Variants in XIRP2 observed in about 807,000 individuals in gnomAD.
The protein encoded by XIRP2 is xin actin-binding repeat-containing protein 2.
In XIRP2, 236 loss-of-function variants were observed where a neutral mutation model predicts 277.0. The observed-to-expected ratio is 0.85, with a 90% confidence interval of 0.77 to 0.95. The LOEUF is 0.95. XIRP2 is among the 40% of genes least tolerant of loss of function. The pLI, the probability that XIRP2 is intolerant of heterozygous loss-of-function variation, is 0.00. For synonymous variants in XIRP2, 1,490 were observed against 1,416.5 expected (o/e 1.05, Z -1.17); for missense variants, 4,640 against 4,157.5 (o/e 1.12, Z -3.19).
At chr2:166,968,998 T>C (rs982095159) in intron 2 of XIRP2, among the ~76,000 whole-genome samples, 1 of 151,946 alleles carries the variant, frequency 6.6e-6, no homozygotes, top group Non-Finnish European at 1.5e-5. Context: ...AGGCCAATGT[T>C]TGTGTCAAGA....
At chr2:167,036,320 G>A (rs1178423587) in intron 2 of XIRP2, among the ~76,000 whole-genome samples, 1 of 152,068 alleles carries the variant, frequency 6.6e-6, no homozygotes, top group African/African-American at 2.4e-5. Context: ...CCAGGAGGGA[G>A]GCTGTACCCT....
intron 1 of XIRP2, among the ~76,000 whole-genome samples, chr2:166,899,614 A>G (rs1684326728): frequency 6.6e-6 from 1 of 152,052 alleles, no homozygotes; most frequent in Admixed American, 6.6e-5. Context: ...TTTCTTCGTT[A>G]TTGAAAGATC....
chr2:167,179,882 A>G (rs111978608), intron 3 of XIRP2, among the ~76,000 whole-genome samples: 1 of 152,242 alleles, frequency 6.6e-6, no homozygotes, highest in African/African-American at 2.4e-5. Context: ...TCCTGGGCTC[A>G]GGTCATCCTT....
chr2:167,162,445 A>G (rs1352170026), intron 3 of XIRP2, among the ~76,000 whole-genome samples: 1 of 152,152 alleles, frequency 6.6e-6, no homozygotes, highest in African/African-American at 2.4e-5. Context: ...GAAGACACAT[A>G]TCACACTGTG....
At chr2:167,009,229 A>G (rs1399777105) in intron 2 of XIRP2, among the ~76,000 whole-genome samples, 5 of 101,602 alleles carry the variant, frequency 4.9e-5, no homozygotes, top group African/African-American at 7.7e-5. Context: ...CCACCCCACA[A>G]CAGTCCCCAG....
At chr2:167,029,201 C>T (rs1196645615) in intron 2 of XIRP2, among the ~76,000 whole-genome samples, 1 of 151,970 alleles carries the variant, frequency 6.6e-6, no homozygotes, top group African/African-American at 2.4e-5. Flanking sequence ...TGCTTTATTT[C>T]TTTCTGTTGC....
In XIRP2 at chr2:167,247,021, GA is replaced by G; in HGVS notation, c.5631del (p.Glu1877AspfsTer37). Reference protein sequence around the residue: ...NMLATLKSLKESSHRWKESKQ... With the variant: ...NMLATLKSLKXSSHRWKESKQ... ...GCTAGCCACACTCAAGTCACTTAAA[GA>G]ATCAAGCCATCGATGGAAAGAATCT... On this transcript the variant is annotated frameshift_variant, in exon 9 of 11. Transcript: ENST00000409195. LOFTEE classifies it high-confidence loss of function. 6.2e-7 allele frequency: 1 copy of G among 1,613,536 alleles called. No homozygotes were observed. The highest frequency in any genetic ancestry group is 8.5e-7 in the Non-Finnish European group (1 of 1,179,734).
At chr2:167,079,128 T>C (rs1054162973) in intron 2 of XIRP2, among the ~76,000 whole-genome samples, 2 of 152,252 alleles carry the variant, frequency 1.3e-5, no homozygotes, top group Non-Finnish European at 2.9e-5. Flanking sequence ...GTACAGTTTT[T>C]GTTTCTAATT....
At chr2:167,089,579 T>G (rs1484955263) in intron 2 of XIRP2, among the ~76,000 whole-genome samples, 2 of 152,176 alleles carry the variant, frequency 1.3e-5, no homozygotes, top group Non-Finnish European at 2.9e-5. Flanking sequence ...AGCAAGGATG[T>G]TCTTAATGCA....
intron 2 of XIRP2, among the ~76,000 whole-genome samples, chr2:167,050,868 A>G (rs1688896749): frequency 6.6e-6 from 1 of 151,954 alleles, no homozygotes; most frequent in Non-Finnish European, 1.5e-5. Context: ...GGAGAAGCTC[A>G]ATGAAGATGC....
intron 2 of XIRP2, among the ~76,000 whole-genome samples, chr2:166,938,757 T>C (rs1027825215): frequency 7.2e-5 from 11 of 152,222 alleles, no homozygotes; most frequent in Non-Finnish European, 1.6e-4. Context: ...TCTAAGGAAT[T>C]GCTTTATGAA....
chr2:167,014,013 T>A (rs1265207668), intron 2 of XIRP2, among the ~76,000 whole-genome samples: 1 of 118,074 alleles, frequency 8.5e-6, no homozygotes, highest in Non-Finnish European at 1.7e-5. Flanking sequence ...TAGCATTTGA[T>A]CACTATCATA....
intron 2 of XIRP2, among the ~76,000 whole-genome samples, chr2:167,119,778 A>G (rs1019215054): frequency 3.3e-5 from 5 of 152,206 alleles, no homozygotes; most frequent in Admixed American, 6.5e-5. Flanking sequence ...GTACATGCTA[A>G]AGTTCAGCAG....
At chr2:167,204,719 A>AT (rs915984796) in intron 3 of XIRP2, among the ~76,000 whole-genome samples, 6 of 152,112 alleles carry the variant, frequency 3.9e-5, no homozygotes, top group Admixed American at 1.3e-4. Flanking sequence ...CAATATTAAC[A>AT]TTTTTTTCTG....
chr2:166,915,093 C>T (rs1022221042), intron 2 of XIRP2, among the ~76,000 whole-genome samples: 1 of 151,298 alleles, frequency 6.6e-6, no homozygotes, highest in Admixed American at 6.6e-5. Flanking sequence ...GTCAGGAGAT[C>T]GAGACCATCC....
rs551559712 is a variant in XIRP2 at position 167,243,740 on chromosome 2, A to G, written c.2348A>G (p.Asn783Ser). The G allele has an allele frequency of 9.3e-6, 15 of 1,613,970 alleles. No homozygotes were observed. Among genetic ancestry groups the G allele is most frequent in the Non-Finnish European group, 1.3e-5 (15 of 1,179,970 alleles). ...GAAACACAGCCGTTGGACACAATTA[A>G]CAAAGATATCACAGAAATTAAAGTT... The part of the protein sequence containing the change: ...MFETQPLDTI[N>S]KDITEIKVVR... The change falls in exon 9 of 11, where the codon AAC (asparagine) becomes AGC (serine). Residue 783 changes from asparagine (N) to serine (S), a missense_variant. Coordinates refer to ENST00000409195, the MANE Select transcript of XIRP2 (RefSeq NM_152381.6).
intron 2 of XIRP2, among the ~76,000 whole-genome samples, chr2:167,088,643 C>T (rs1690040816): frequency 6.6e-6 from 1 of 152,156 alleles, no homozygotes; most frequent in South Asian, 2.1e-4. Context: ...GCTTTTCCAG[C>T]CTCTCCATCT....
chr2:167,172,264 G>A (rs931971176), intron 3 of XIRP2, among the ~76,000 whole-genome samples: 3 of 152,166 alleles, frequency 2.0e-5, no homozygotes, highest in Non-Finnish European at 2.9e-5. Flanking sequence ...TAGGGTGTGG[G>A]TCACAGAGAT....
At chr2:167,063,823 T>A (rs1373074416) in intron 2 of XIRP2, among the ~76,000 whole-genome samples, 1 of 151,722 alleles carries the variant, frequency 6.6e-6, no homozygotes, top group Non-Finnish European at 1.5e-5. Context: ...ATATTTTAAG[T>A]GGGTTTCTTT....
Sources: gnomAD v4.1 joint callset for allele counts (sites outside exome capture counted in the v4.1 genomes callset) on GRCh38, gnomAD v4.1.1 for gene constraint, MANE v1.5 for transcripts, NCBI Gene and HGNC (gene_info 2026-07-23, HGNC 2026-07-21) for gene names.